CACNA1S: variants seen among roughly 807,000 people sequenced by gnomAD.
CACNA1S encodes calcium voltage-gated channel subunit alpha1 S, also known as voltage-dependent L-type calcium channel subunit alpha-1S.
CACNA1S carries 126 observed loss-of-function variants against 207.4 expected under a neutral mutation model. The observed-to-expected ratio is 0.61, with a 90% CI of 0.53 to 0.70. The LOEUF is 0.70. Ranked by LOEUF, CACNA1S falls within the 30% of genes least tolerant of loss-of-function variation. CACNA1S has a pLI of 0.00. For synonymous variants in CACNA1S, 960 were observed against 932.7 expected, an observed-to-expected ratio of 1.03 and a Z score of -0.53; for missense variants, 2,349 against 2,422.8, an observed-to-expected ratio of 0.97 and a Z score of 0.64.
chr1:201,063,384 G>A (rs557198667), intron 22 of CACNA1S, among the ~76,000 whole-genome samples: 26 of 151,200 alleles, frequency 1.7e-4, no homozygotes, highest in Admixed American at 7.9e-4. Context: ...CCGCCTCCCC[G>A]GTTCAAGCAA....
At chr1:201,041,841 G>T in intron 40 of CACNA1S, 1 of 558,014 alleles carries the variant, frequency 1.8e-6, no homozygotes, top group Middle Eastern at 4.9e-4. Flanking sequence ...TCTACATTCT[G>T]TTCATCTTCC....
intron 2 of CACNA1S, among the ~76,000 whole-genome samples, chr1:201,103,965 G>A (rs1662785498): frequency 6.6e-6 from 1 of 152,094 alleles, no homozygotes; most frequent in Admixed American, 6.6e-5. Flanking sequence ...GGCCAAATGG[G>A]CAGCCATCTT....
chr1:201,107,049 G>A (rs1316298241), intron 2 of CACNA1S, among the ~76,000 whole-genome samples: 2 of 152,234 alleles, frequency 1.3e-5, no homozygotes, highest in Non-Finnish European at 2.9e-5. Flanking sequence ...CAAGCTGAGA[G>A]CCCCTCCTTA....
At position 201,040,652 on chromosome 1, in the gene CACNA1S, G is replaced by C; in HGVS notation, c.5196C>G (p.Pro1732=). Residue 1732 remains proline (P), a synonymous_variant, in exon 42 of 44, where the codon CCC becomes CCG. Coordinates refer to ENST00000362061, the MANE Select transcript of CACNA1S (RefSeq NM_000069.3). The part of the protein sequence containing the change: ...LKGLLTQRAM[P]RGQAPPAPCQ... Reference sequence around the variant, plus strand: ...AGGGGGCAGGAGGTGCCTGGCCTCTGGGCATTGCCCTCTGGGTCAGCAGTC... The same window carrying C: ...AGGGGGCAGGAGGTGCCTGGCCTCTCGGCATTGCCCTCTGGGTCAGCAGTC... The C allele has an allele frequency of 6.2e-7, 1 of 1,614,068 alleles. No homozygotes were observed.
chr1:201,055,048 A>G (rs1660792403), intron 28 of CACNA1S, among the ~76,000 whole-genome samples: 1 of 152,210 alleles, frequency 6.6e-6, no homozygotes, highest in African/African-American at 2.4e-5. Flanking sequence ...TGAAATCCCC[A>G]CAGCAGATGT....
intron 13 of CACNA1S, 69 bp downstream of exon 13, chr1:201,075,426 C>T: frequency 1.9e-6 from 3 of 1,599,772 alleles, no homozygotes; most frequent in Non-Finnish European, 2.6e-6. Flanking sequence ...CACCCTTGAC[C>T]CCCATTTTAA....
Position 201,072,882 on chromosome 1 carries a change from A to T in CACNA1S, c.2158-58T>A, listed in dbSNP as rs541151916. 68 of 1,293,894 alleles carry T rather than the reference A, an allele frequency of 5.3e-5. No homozygotes were observed. The East Asian group carries it at 1.6e-3, about 30-fold the overall frequency. The allele number at this position is 1,293,894 out of a possible 1,614,324, so 80.2% of individuals were successfully genotyped here. A position where few individuals can be genotyped will look rare whatever the true frequency, so the allele number is the denominator to read the frequency against. ...AAAAAGAAGTTGCGGTTTCCCCTCAATGAGCATATACTGGAGAGCCTGTTA... is the reference window on the plus strand; with the variant it reads ...AAAAAGAAGTTGCGGTTTCCCCTCATTGAGCATATACTGGAGAGCCTGTTA... On this transcript the variant is annotated intron_variant, in intron 15 of 43. Transcript: ENST00000362061.
In CACNA1S at chr1:201,066,759, A is replaced by G; in HGVS notation, c.2657+128T>C. ...ACAACCCACAGGACCCCCTGCCTCC[A>G]TCGGAGGCCCCGAGAGACCCTCCTC... On this transcript the variant is annotated intron_variant, in intron 20 of 43. Coordinates refer to ENST00000362061, the MANE Select transcript of CACNA1S (RefSeq NM_000069.3). The surrounding 1 kb of genome is among the most constrained non-coding windows in gnomAD (Gnocchi z 4.3). 1 of 736,576 alleles carries G rather than the reference A, an allele frequency of 1.4e-6. No homozygotes were observed. The highest frequency in any genetic ancestry group is 2.4e-6 in the Non-Finnish European group (1 of 410,646). 45.6% of individuals were successfully genotyped at this position (736,576 alleles called of 1,614,324 possible). A position where few individuals can be genotyped will look rare whatever the true frequency, so the allele number is the denominator to read the frequency against.
intron 2 of CACNA1S, among the ~76,000 whole-genome samples, chr1:201,109,428 A>G (rs952277639): frequency 2.6e-5 from 4 of 152,212 alleles, no homozygotes; most frequent in African/African-American, 9.6e-5. Flanking sequence ...ATTAAATAAT[A>G]CAATAATGTA....
intron 24 of CACNA1S, 104 bp from the exon 25 acceptor site, chr1:201,061,572 G>A (rs1047691981): frequency 1.8e-6 from 2 of 1,118,930 alleles, no homozygotes; most frequent in African/African-American, 3.1e-5. Flanking sequence ...AGAGCCAAGA[G>A]AGCCTTCTCA....
chr1:201,096,952 A>G (rs1385600954), intron 2 of CACNA1S, among the ~76,000 whole-genome samples: 2 of 152,132 alleles, frequency 1.3e-5, no homozygotes, highest in Non-Finnish European at 2.9e-5. Flanking sequence ...CACACTCAGT[A>G]TGTTTGAAAC....
At chr1:201,069,902 T>C (rs1405000450) in intron 17 of CACNA1S, among the ~76,000 whole-genome samples, 2 of 152,162 alleles carry the variant, frequency 1.3e-5, no homozygotes, top group Non-Finnish European at 2.9e-5. Flanking sequence ...CAGGCTGGTC[T>C]CTATCCATGA....
chr1:201,044,526 T>G, intron 38 of CACNA1S, 70 bp from the exon 39 acceptor site: 1 of 1,575,184 alleles, frequency 6.3e-7, no homozygotes, highest in Non-Finnish European at 8.6e-7. Flanking sequence ...TTTTTCTTTT[T>G]TTGAGACAGA....
At position 201,044,360 on chromosome 1, in the gene CACNA1S, C is replaced by T. The variant is rs1282411611; in HGVS notation, c.4765G>A (p.Val1589Met). 3 of 1,613,700 alleles carry T rather than the reference C, an allele frequency of 1.9e-6. No homozygotes were observed. The highest frequency in any genetic ancestry group is 1.3e-5 in the African/African-American group (1 of 74,868). The change falls in exon 39 of 44, where the codon GTG becomes ATG. Residue 1589 changes from valine (V) to methionine (M), a missense_variant. Val to Met is a conservative substitution (Grantham distance 21). Transcript: ENST00000362061. ...ATTCCCTCCTCCATCGCAGCCTCCA[C>T]CATGGCTCTCTCCAGCTCCTCCTCA... ...AAEEELERAM[V>M]EAAMEEGIFR... is the part of the protein sequence containing the mutation.
rs573298268 is a variant in CACNA1S at position 201,094,120 on chromosome 1, G to T, written c.259-99C>A. 4.2e-4 allele frequency: 615 copies of T among 1,466,828 alleles called. 4 individuals carry two copies. The African/African-American group carries it at 7.6e-3, about 18-fold the overall frequency. The allele number at this position is 1,466,828 out of a possible 1,614,324, so 90.9% of individuals were successfully genotyped here. A position where few individuals can be genotyped will look rare whatever the true frequency, so the allele number is the denominator to read the frequency against. On this transcript the variant is annotated intron_variant, in intron 2 of 43. Transcript: ENST00000362061. ...TGCTGGGTTCCCTGCTGTTGCTCAGGCACGCCCACCTCAGGACGTTTGCAC... is the reference window on the plus strand; with the variant it reads ...TGCTGGGTTCCCTGCTGTTGCTCAGTCACGCCCACCTCAGGACGTTTGCAC...
Position 201,066,667 on chromosome 1 carries a change from T to A in CACNA1S, c.2657+220A>T, listed in dbSNP as rs1448393514. 1.3e-5 allele frequency among the ~76,000 whole-genome samples: 2 copies of A among 152,076 alleles called. No homozygotes were observed. Among genetic ancestry groups the A allele is most frequent in the Non-Finnish European group, 2.9e-5 (2 of 67,996 alleles). Reference sequence around the variant, plus strand: ...GAGGGACCACTTCCTCCTCTCTGCATCTCCTGCCAGTCTCTAGAACAGAGC... The same window carrying A: ...GAGGGACCACTTCCTCCTCTCTGCAACTCCTGCCAGTCTCTAGAACAGAGC... On this transcript the variant is annotated intron_variant, in intron 20 of 43. Coordinates refer to ENST00000362061, the MANE Select transcript of CACNA1S (RefSeq NM_000069.3). The surrounding 1 kb of genome is among the most constrained non-coding windows in gnomAD (Gnocchi z 4.3).
At chr1:201,093,761 ATGCAGTGGT>A in intron 3 of CACNA1S, 112 bp downstream of exon 3, 1 of 1,247,660 alleles carries the variant, frequency 8.0e-7, no homozygotes, top group South Asian at 1.2e-5. Flanking sequence ...AGGCTGCTCC[ATGCAGTGGT>A]TAGCACAATG....
At chr1:201,051,237 G>T in intron 32 of CACNA1S, 94 bp from the exon 33 acceptor site, 1 of 1,193,324 alleles carries the variant, frequency 8.4e-7, no homozygotes, top group Non-Finnish European at 1.2e-6. Context: ...GGACAGATGA[G>T]CAAACTGGGG....
rs536780125 is a variant in CACNA1S, at chr1:201,047,358, T to A, written c.4544-119A>T. 2,000 of 1,432,058 alleles carry A rather than the reference T, an allele frequency of 1.4e-3. 1 individual carries two copies. Among genetic ancestry groups the A allele is most frequent in the Non-Finnish European group, 1.8e-3 (1,870 of 1,029,714 alleles). 88.7% of individuals were successfully genotyped at this position (1,432,058 alleles called of 1,614,324 possible). On this transcript the variant is annotated intron_variant, in intron 37 of 43. Coordinates refer to ENST00000362061, the MANE Select transcript of CACNA1S (RefSeq NM_000069.3). ...CAAGCAATCCTTTGTCTTGCTGACT[T>A]GGTCACTGGGCACTTTCCATCCTGA...
Sources: allele counts gnomAD v4.1 joint callset (sites outside exome capture counted in the v4.1 genomes callset), GRCh38; gene constraint gnomAD v4.1.1; non-coding constraint Gnocchi (gnomAD v3.1); transcripts MANE v1.5; gene names NCBI Gene and HGNC (gene_info 2026-07-23, HGNC 2026-07-21).